CELF2: variants seen among roughly 807,000 people sequenced by gnomAD.
CELF2 encodes CUG triplet repeat RNA-binding protein 2.
A neutral mutation model predicts 62.6 loss-of-function variants in CELF2; 8 were observed. The observed-to-expected ratio is 0.13, with a 90% CI of 0.07 to 0.23. The LOEUF (loss-of-function observed/expected upper bound fraction) is 0.23, where lower values mean the gene tolerates loss of function less well. CELF2 is among the 10% of genes least tolerant of loss of function. The probability of loss-of-function intolerance (pLI) is 1.00; values close to 1 mark genes in which losing one functional copy is unlikely to be tolerated. For missense variants in CELF2, 333 were observed against 671.0 expected (o/e 0.50, Z 5.56); for synonymous variants, 258 against 250.0 (o/e 1.03, Z -0.30).
intron 4 of CELF2, among the ~76,000 whole-genome samples, chr10:11,249,540 C>T (rs180820096): frequency 6.6e-6 from 1 of 152,216 alleles, no homozygotes; most frequent in African/African-American, 2.4e-5. Context: ...TCATGGGGAT[C>T]CAGAGGACGT....
chr10:10,466,104 G>A, the CELF2 span, among the ~76,000 whole-genome samples: 6 of 152,018 alleles, frequency 3.9e-5, no homozygotes, highest in South Asian at 6.2e-4. Context: ...TTAAAGTACC[G>A]CTTGAGCAAT....
intron 1 of CELF2, among the ~76,000 whole-genome samples, chr10:11,043,901 C>T (rs1228668495): frequency 2.0e-5 from 3 of 152,150 alleles, no homozygotes; most frequent in Non-Finnish European, 4.4e-5. Flanking sequence ...AGCCACAGAC[C>T]GCCTGCCGCT....
intron 1 of CELF2, among the ~76,000 whole-genome samples, chr10:10,906,182 C>A (rs2134221829): frequency 6.6e-6 from 1 of 152,056 alleles, no homozygotes; most frequent in African/African-American, 2.4e-5. Context: ...ATTTATTTCC[C>A]AGGTCTGCTA....
chr10:10,762,576 C>A, the CELF2 span, among the ~76,000 whole-genome samples: 877 of 152,278 alleles, frequency 5.8e-3, 9 homozygotes, highest in African/African-American at 0.02. Context: ...GGAACTGAGA[C>A]AACATTCCGG....
the CELF2 span, among the ~76,000 whole-genome samples, chr10:10,691,786 T>A: frequency 6.8e-6 from 1 of 147,946 alleles, no homozygotes; most frequent in Admixed American, 6.7e-5. Flanking sequence ...CATGTGTTTT[T>A]TGGCTGCATA....
At position 11,237,260 on chromosome 10, in the gene CELF2, A is replaced by C. The variant is rs1051698784; in HGVS notation, c.355-11893A>C. 6.6e-6 allele frequency among the ~76,000 whole-genome samples: 1 copy of C among 152,236 alleles called. No individual in the cohort carries two copies. The highest frequency in any genetic ancestry group is 1.5e-5 in the Non-Finnish European group (1 of 68,036). On this transcript the variant is annotated intron_variant, in intron 3 of 12. Transcript: ENST00000633077. This position sits in a 1 kb window ranked among gnomAD's most constrained non-coding sequence, Gnocchi z 4.0. ...AAGGGGTAGAAAATTAAGCAAATTT[A>C]GAGCCACGCCAGAGTGTTAGGTGAG...
At chr10:10,877,658 G>T (rs2061191981) in intron 1 of CELF2, among the ~76,000 whole-genome samples, 1 of 152,194 alleles carries the variant, frequency 6.6e-6, no homozygotes, top group African/African-American at 2.4e-5. Context: ...CAATTGAATG[G>T]ATGGAAGATT....
chr10:10,909,070 G>A (rs974583488), intron 1 of CELF2, among the ~76,000 whole-genome samples: 6 of 152,132 alleles, frequency 3.9e-5, no homozygotes, highest in Non-Finnish European at 7.4e-5. Context: ...AATTACAGGC[G>A]TGAGCCACCA....
chr10:11,237,129 G>A lies in CELF2; in HGVS notation c.355-12024G>A, dbSNP rs1016382196. Among the ~76,000 whole-genome samples, 1 of 152,166 alleles carries A rather than the reference G, an allele frequency of 6.6e-6. No individual in the cohort carries two copies. Among genetic ancestry groups the A allele is most frequent in the Non-Finnish European group, 1.5e-5 (1 of 68,032 alleles). The stretch of plus-strand genomic sequence containing the variant: ...TGAGGAGGCTGTTTCGGGGATCCAG[G>A]TGAGCAGGAATGAAAACCTCACTAG... On this transcript the variant is annotated intron_variant, in intron 3 of 12. Coordinates refer to ENST00000633077, the MANE Select transcript of CELF2 (RefSeq NM_001326342.2). This position sits in a 1 kb window ranked among gnomAD's most constrained non-coding sequence, Gnocchi z 4.0.
chr10:10,524,629 C>T, the CELF2 span, among the ~76,000 whole-genome samples: 1 of 152,006 alleles, frequency 6.6e-6, no homozygotes, highest in Non-Finnish European at 1.5e-5. Context: ...GATAGAATTT[C>T]TCTCTCCAAT....
At chr10:10,815,889 C>T (rs868408227) in intron 1 of CELF2, among the ~76,000 whole-genome samples, 7 of 137,302 alleles carry the variant, frequency 5.1e-5, no homozygotes, top group Non-Finnish European at 1.1e-4. Context: ...TATTTCATAG[C>T]TTGGGGTTTG....
At chr10:11,228,012 G>A (rs1264829412) in intron 3 of CELF2, among the ~76,000 whole-genome samples, 1 of 152,280 alleles carries the variant, frequency 6.6e-6, no homozygotes, top group East Asian at 1.9e-4. Flanking sequence ...ACATTAAGTA[G>A]CATATGGGGC....
chr10:10,688,538 A>G, the CELF2 span, among the ~76,000 whole-genome samples: 120 of 152,360 alleles, frequency 7.9e-4, 1 homozygote, highest in East Asian at 0.018. Flanking sequence ...ATGCATGTCC[A>G]GTACAGAGAA....
At position 11,118,666 on chromosome 10, in the gene CELF2, T is replaced by G. The variant is rs144090836; in HGVS notation, c.75-46820T>G. Among the ~76,000 whole-genome samples, 11 of 152,290 alleles carry G rather than the reference T, an allele frequency of 7.2e-5. No homozygotes were observed. In the East Asian group the frequency reaches 2.1e-3, roughly 29 times the overall value. On this transcript the variant is annotated intron_variant, in intron 1 of 12. Coordinates refer to ENST00000633077, the MANE Select transcript of CELF2 (RefSeq NM_001326342.2). ...CTTTGGGGTTCTTGGCCTTGGATTT[T>G]CCTCACCAGTTCAACAGCTTCTTAT...
intron 1 of CELF2, chr10:11,097,318 A>G (rs1443163506): frequency 1.3e-5 from 2 of 152,214 alleles, no homozygotes; most frequent in African/African-American, 2.4e-5. Flanking sequence ...TCCTTTGCGT[A>G]GTTATTCATA....
chr10:11,279,452 G>A (rs1590458957), intron 8 of CELF2, among the ~76,000 whole-genome samples: 1 of 152,160 alleles, frequency 6.6e-6, no homozygotes, highest in African/African-American at 2.4e-5. Context: ...TCGAATTGGA[G>A]GCGCTCCCGG....
the CELF2 span, among the ~76,000 whole-genome samples, chr10:10,627,071 CA>C: frequency 0.081 from 12,353 of 152,192 alleles, 648 homozygotes; most frequent in African/African-American, 0.15. Flanking sequence ...TCAGAGAAAT[CA>C]AAGTTCCTGG....
intron 2 of CELF2, among the ~76,000 whole-genome samples, chr10:10,987,287 A>G (rs1321538795): frequency 6.6e-6 from 1 of 151,936 alleles, no homozygotes; most frequent in Non-Finnish European, 1.5e-5. Flanking sequence ...GCATTGCTCT[A>G]AAACCTCACT....
intron 8 of CELF2, among the ~76,000 whole-genome samples, chr10:11,276,434 G>A (rs957173368): frequency 1.3e-5 from 2 of 152,184 alleles, no homozygotes; most frequent in Non-Finnish European, 2.9e-5. Flanking sequence ...ATATGGTTTG[G>A]GAAGCTGGCC....
Sources: gnomAD v4.1 joint callset for allele counts (sites outside exome capture counted in the v4.1 genomes callset) on GRCh38, gnomAD v4.1.1 for gene constraint, Gnocchi (gnomAD v3.1) non-coding constraint, MANE v1.5 for transcripts, NCBI Gene and HGNC (gene_info 2026-07-23, HGNC 2026-07-21) for gene names.